The following AKT3 variants were observed in gnomAD, a reference collection of about 807,000 sequenced individuals.
AKT3 encodes the protein RAC-gamma serine/threonine-protein kinase.
A neutral mutation model predicts 65.3 loss-of-function variants in AKT3; 15 were observed. That is an observed-to-expected ratio of 0.23 (90% CI 0.15 to 0.35). The LOEUF is 0.35. Among genes scored for constraint, AKT3 ranks in the 10% least tolerant of loss-of-function variants. The pLI is 1.00. For synonymous variants in AKT3, 206 were observed against 183.8 expected, an observed-to-expected ratio of 1.12 and a Z score of -0.98; for missense variants, 243 against 576.5, an observed-to-expected ratio of 0.42 and a Z score of 5.92.
chr1:243,512,116 G>C (rs1670051009), intron 13 of AKT3, among the ~76,000 whole-genome samples: 1 of 152,160 alleles, frequency 6.6e-6, no homozygotes, highest in Non-Finnish European at 1.5e-5. Flanking sequence ...ACCCAGAAAA[G>C]CATTTCTTGC....
At chr1:243,532,275 G>A (rs1671591890) in intron 12 of AKT3, among the ~76,000 whole-genome samples, 1 of 152,128 alleles carries the variant, frequency 6.6e-6, no homozygotes, top group African/African-American at 2.4e-5. Flanking sequence ...TCCCTTAAAG[G>A]ACAGTCTTTC....
intron 12 of AKT3, among the ~76,000 whole-genome samples, chr1:243,518,112 T>A (rs563606350): frequency 1.2e-3 from 187 of 152,368 alleles, no homozygotes; most frequent in African/African-American, 4.3e-3. Flanking sequence ...TCTCAAGGTC[T>A]TTTTACTGTA....
chr1:243,634,345 T>A (rs1572066289), intron 6 of AKT3, among the ~76,000 whole-genome samples: 2 of 152,160 alleles, frequency 1.3e-5, no homozygotes, highest in African/African-American at 4.8e-5. Context: ...TATACTGTGT[T>A]TTTTTCCTAC....
intron 13 of AKT3, among the ~76,000 whole-genome samples, chr1:243,510,680 T>C (rs1669957945): frequency 6.6e-6 from 1 of 151,600 alleles, no homozygotes; most frequent in African/African-American, 2.4e-5. Flanking sequence ...CCAGGGACAG[T>C]GGGGGAAGAT....
At chr1:243,810,201 C>T (rs1044377555) in intron 2 of AKT3, among the ~76,000 whole-genome samples, 2 of 152,036 alleles carry the variant, frequency 1.3e-5, no homozygotes, top group Non-Finnish European at 2.9e-5. Context: ...GAGATAGAGA[C>T]ATAAAAAACC....
chr1:243,519,239 T>A (rs1243025840), intron 12 of AKT3, among the ~76,000 whole-genome samples: 1 of 152,172 alleles, frequency 6.6e-6, no homozygotes, highest in Non-Finnish European at 1.5e-5. Context: ...GAATTCTGAC[T>A]GAAAAATTTA....
chr1:243,708,535 C>T (rs1368385164), intron 2 of AKT3, among the ~76,000 whole-genome samples: 2 of 151,866 alleles, frequency 1.3e-5, no homozygotes, highest in Non-Finnish European at 2.9e-5. Flanking sequence ...ATTATCTGTA[C>T]CTCAGTAAGC....
chr1:243,845,819 A>G (rs1488730879), intron 1 of AKT3, among the ~76,000 whole-genome samples: 1 of 152,108 alleles, frequency 6.6e-6, no homozygotes, highest in Admixed American at 6.5e-5. Context: ...ATAGGTATGG[A>G]ATCCTCTAAC....
At chr1:243,790,115 C>T (rs1691521412) in intron 2 of AKT3, among the ~76,000 whole-genome samples, 1 of 152,160 alleles carries the variant, frequency 6.6e-6, no homozygotes, top group Non-Finnish European at 1.5e-5. Context: ...TTAAAGTCAC[C>T]AGCTGCATTA....
chr1:243,642,513 G>C (rs371326190), intron 5 of AKT3, among the ~76,000 whole-genome samples: 1 of 152,088 alleles, frequency 6.6e-6, no homozygotes, highest in African/African-American at 2.4e-5. Context: ...GTTTCACCGT[G>C]TTAGCCAGGA....
intron 8 of AKT3, among the ~76,000 whole-genome samples, chr1:243,596,778 C>G (rs1676646406): frequency 6.6e-6 from 1 of 152,158 alleles, no homozygotes; most frequent in South Asian, 2.1e-4. Flanking sequence ...TAGGCAATGA[C>G]TGGTATTAAT....
At chr1:243,696,069 G>A (rs775894219) in intron 2 of AKT3, among the ~76,000 whole-genome samples, 2 of 151,278 alleles carry the variant, frequency 1.3e-5, no homozygotes, top group Non-Finnish European at 3.0e-5. Context: ...CATCCACACA[G>A]TATCAATGAA....
intron 9 of AKT3, among the ~76,000 whole-genome samples, chr1:243,564,621 ACCAG>A (rs1674020902): frequency 6.6e-6 from 1 of 152,120 alleles, no homozygotes; most frequent in Non-Finnish European, 1.5e-5. Flanking sequence ...TAACAATGTA[ACCAG>A]CCAGTTCCCC....
chr1:243,782,571 T>C (rs1025209444), intron 2 of AKT3, among the ~76,000 whole-genome samples: 12 of 152,096 alleles, frequency 7.9e-5, no homozygotes, highest in Admixed American at 6.5e-5. Context: ...TATCCGGGAT[T>C]AGGTTTCGAC....
At chr1:243,561,523 T>C (rs1042226545) in intron 10 of AKT3, among the ~76,000 whole-genome samples, 44 of 152,302 alleles carry the variant, frequency 2.9e-4, no homozygotes, top group African/African-American at 9.1e-4. Context: ...ATTCTGATCT[T>C]ATGATCCCTC....
chr1:243,532,205 T>G (rs1218050557), intron 12 of AKT3, among the ~76,000 whole-genome samples: 2 of 152,206 alleles, frequency 1.3e-5, no homozygotes, highest in Admixed American at 6.5e-5. Flanking sequence ...GGGGAAAAAC[T>G]TTCAGTCTTT....
intron 8 of AKT3, among the ~76,000 whole-genome samples, chr1:243,581,868 G>A (rs146820558): frequency 6.6e-6 from 1 of 151,640 alleles, no homozygotes; most frequent in African/African-American, 2.4e-5. Context: ...AGGAAATGAA[G>A]GAAGAAATAA....
intron 3 of AKT3, among the ~76,000 whole-genome samples, chr1:243,694,104 C>T (rs1271695198): frequency 2.6e-5 from 4 of 151,908 alleles, no homozygotes; most frequent in African/African-American, 9.7e-5. Context: ...TTCATAAGGT[C>T]AAAAAATGCT....
At chr1:243,798,192 C>G (rs1366353057) in intron 2 of AKT3, among the ~76,000 whole-genome samples, 1 of 142,546 alleles carries the variant, frequency 7.0e-6, no homozygotes, top group Non-Finnish European at 1.5e-5. Context: ...CAGGCGTGAG[C>G]CACTGTGCCA....
Sources: gnomAD v4.1 joint callset for allele counts (sites outside exome capture counted in the v4.1 genomes callset) on GRCh38, gnomAD v4.1.1 for gene constraint, MANE v1.5 for transcripts, NCBI Gene and HGNC (gene_info 2026-07-23, HGNC 2026-07-21) for gene names.